Variants in EPHA3 observed in about 807,000 individuals in gnomAD.
The protein encoded by EPHA3 is EPH receptor A3, also known as ephrin type-A receptor 3.
EPHA3 carries 42 observed loss-of-function variants against 107.1 expected under a neutral mutation model. That is an observed-to-expected ratio of 0.39 (90% CI 0.31 to 0.51). The LOEUF is 0.51. EPHA3 is among the 20% of genes least tolerant of loss of function. The pLI, the probability that EPHA3 is intolerant of heterozygous loss-of-function variation, is 0.78. For synonymous variants in EPHA3, 461 were observed against 424.8 expected, an observed-to-expected ratio of 1.09 and a Z score of -1.05; for missense variants, 1,183 against 1,211.2, an observed-to-expected ratio of 0.98 and a Z score of 0.35.
chr3:89,281,004 ATTAT>A lies in EPHA3; in HGVS notation c.815-59878_815-59875del, dbSNP rs372696481. Reference sequence around the variant, plus strand: ...ACCATATGAATCTTACAAGATTTTTATTATTTATTTATTTATTTATTTATTTATT... The same window carrying A: ...ACCATATGAATCTTACAAGATTTTTATTATTTATTTATTTATTTATTTATT... On this transcript the variant is annotated intron_variant, in intron 3 of 16. Coordinates refer to ENST00000336596, the MANE Select transcript of EPHA3 (RefSeq NM_005233.6). 9.4e-4 allele frequency among the ~76,000 whole-genome samples: 138 copies of A among 147,360 alleles called. 1 individual carries two copies. The highest frequency in any genetic ancestry group is 3.5e-3 in the East Asian group (18 of 5,094).
At chr3:89,178,539 A>G (rs1705367593) in intron 2 of EPHA3, among the ~76,000 whole-genome samples, 1 of 152,036 alleles carries the variant, frequency 6.6e-6, no homozygotes, top group African/African-American at 2.4e-5. Flanking sequence ...AGCTCCTGTG[A>G]ATCCATTATT....
At chr3:89,355,895 C>G (rs1234734135) in intron 5 of EPHA3, among the ~76,000 whole-genome samples, 1 of 149,800 alleles carries the variant, frequency 6.7e-6, no homozygotes, top group African/African-American at 2.4e-5. Flanking sequence ...AGATTAGTTA[C>G]ATATGTATAC....
chr3:89,469,767 G>A (rs1576394814), intron 15 of EPHA3, among the ~76,000 whole-genome samples: 1 of 152,098 alleles, frequency 6.6e-6, no homozygotes, highest in South Asian at 2.1e-4. Flanking sequence ...GCTATTTCAT[G>A]CTATTTCTAA....
chr3:89,212,200 C>T (rs186652278), intron 3 of EPHA3, among the ~76,000 whole-genome samples: 3 of 151,938 alleles, frequency 2.0e-5, no homozygotes, highest in Admixed American at 1.3e-4. Flanking sequence ...TACATTATCT[C>T]TCATATTTGA....
chr3:89,219,688 G>GTTTTTTTTTTTTTTTTTTTTTTTTTTT, intron 3 of EPHA3, among the ~76,000 whole-genome samples: 1 of 34,442 alleles, frequency 2.9e-5, no homozygotes, highest in Non-Finnish European at 5.2e-5. Context: ...ATTTGGCAAT[G>GTTTTTTTTTTTTTTTTTTTTTTTTTTT]TTTTTTTTTT....
intron 3 of EPHA3, among the ~76,000 whole-genome samples, chr3:89,227,532 A>G (rs1704529799): frequency 6.6e-6 from 1 of 152,024 alleles, no homozygotes; most frequent in Non-Finnish European, 1.5e-5. Flanking sequence ...TTAACACATT[A>G]TGGAAAACAT....
intron 3 of EPHA3, among the ~76,000 whole-genome samples, chr3:89,233,634 C>CA (rs1388572467): frequency 6.6e-6 from 1 of 152,058 alleles, no homozygotes; most frequent in Non-Finnish European, 1.5e-5. Flanking sequence ...ATCGGTTCCT[C>CA]AATTGGTGTT....
intron 2 of EPHA3, among the ~76,000 whole-genome samples, chr3:89,138,805 A>T (rs1704368323): frequency 6.6e-6 from 1 of 151,890 alleles, no homozygotes; most frequent in Non-Finnish European, 1.5e-5. Flanking sequence ...ATTCTTAAAA[A>T]TCAAATCTTC....
chr3:89,415,609 T>C (rs1163573936), intron 10 of EPHA3, among the ~76,000 whole-genome samples: 14 of 150,616 alleles, frequency 9.3e-5, no homozygotes, highest in Admixed American at 6.7e-4. Flanking sequence ...AATGATAAAA[T>C]TAAGACATAT....
intron 5 of EPHA3, among the ~76,000 whole-genome samples, chr3:89,383,943 T>C (rs139702912): frequency 0.016 from 2,431 of 152,038 alleles, 68 homozygotes; most frequent in African/African-American, 0.055. Flanking sequence ...CCACCGCACC[T>C]AGCCAGTCAG....
chr3:89,272,124 A>G (rs1705684306), intron 3 of EPHA3, among the ~76,000 whole-genome samples: 1 of 151,946 alleles, frequency 6.6e-6, no homozygotes, highest in Non-Finnish European at 1.5e-5. Context: ...AGTTGTCAGT[A>G]AGGCTTTTGG....
chr3:89,159,737 T>A (rs993653310), intron 2 of EPHA3, among the ~76,000 whole-genome samples: 1 of 152,126 alleles, frequency 6.6e-6, no homozygotes, highest in African/African-American at 2.4e-5. Flanking sequence ...TTACTATTAG[T>A]GCTATAATTT....
intron 3 of EPHA3, among the ~76,000 whole-genome samples, chr3:89,302,584 A>T (rs1423365226): frequency 1.3e-5 from 2 of 152,134 alleles, no homozygotes; most frequent in Admixed American, 1.3e-4. Flanking sequence ...GAAGAATACC[A>T]TATGGTATTG....
At chr3:89,265,191 T>C (rs1455767001) in intron 3 of EPHA3, among the ~76,000 whole-genome samples, 2 of 152,152 alleles carry the variant, frequency 1.3e-5, no homozygotes, top group Non-Finnish European at 2.9e-5. Context: ...TGACTTATAA[T>C]TGTAATAAAT....
intron 3 of EPHA3, among the ~76,000 whole-genome samples, chr3:89,313,225 T>C (rs1443132559): frequency 6.6e-6 from 1 of 152,038 alleles, no homozygotes; most frequent in Admixed American, 6.6e-5. Flanking sequence ...TGTTTCTAAA[T>C]TTAAAGTATC....
At chr3:89,360,326 C>T (rs73846151) in intron 5 of EPHA3, among the ~76,000 whole-genome samples, 5,259 of 150,970 alleles carry the variant, frequency 0.035, 335 homozygotes, top group African/African-American at 0.12. Context: ...TGCTTGTCCA[C>T]ATAACACCTA....
intron 1 of EPHA3, among the ~76,000 whole-genome samples, chr3:89,111,747 G>A (rs1047542661): frequency 6.6e-6 from 1 of 151,970 alleles, no homozygotes; most frequent in Non-Finnish European, 1.5e-5. Context: ...AATTCATTCT[G>A]AATCTATATC....
intron 3 of EPHA3, among the ~76,000 whole-genome samples, chr3:89,228,300 T>A (rs1704546266): frequency 6.6e-6 from 1 of 151,880 alleles, no homozygotes; most frequent in Non-Finnish European, 1.5e-5. Flanking sequence ...ATATTGAAGA[T>A]GATATAGTGT....
intron 15 of EPHA3, among the ~76,000 whole-genome samples, chr3:89,456,469 T>C (rs896967144): frequency 6.6e-6 from 1 of 152,236 alleles, no homozygotes; most frequent in Non-Finnish European, 1.5e-5. Context: ...TAAGTACCTT[T>C]TGAAACTAAT....
Sources: allele counts gnomAD v4.1 joint callset (sites outside exome capture counted in the v4.1 genomes callset), GRCh38; gene constraint gnomAD v4.1.1; transcripts MANE v1.5; gene names NCBI Gene and HGNC (gene_info 2026-07-23, HGNC 2026-07-21).